The following ANXA11 variants were observed in gnomAD, a reference collection of about 807,000 sequenced individuals.
ANXA11 encodes the protein annexin A11, also known as 56 kDa autoantigen.
Under a neutral mutation model 64.7 loss-of-function variants are expected in ANXA11, and 57 were observed. The ratio of observed to expected loss-of-function variants is 0.88; its 90% CI spans 0.71 to 1.10. The LOEUF (loss-of-function observed/expected upper bound fraction) is 1.10, where lower values mean the gene tolerates loss of function less well. Among genes scored for constraint, ANXA11 ranks in the 50% least tolerant of loss-of-function variants. The pLI, the probability that ANXA11 is intolerant of heterozygous loss-of-function variation, is 0.00. For missense variants in ANXA11, 675 were observed against 670.7 expected, an observed-to-expected ratio of 1.01 and a Z score of -0.07; for synonymous variants, 260 against 265.2, an observed-to-expected ratio of 0.98 and a Z score of 0.19.
intron 1 of ANXA11, among the ~76,000 whole-genome samples, chr10:80,189,420 T>TA (rs1231035382): frequency 6.6e-6 from 1 of 152,042 alleles, no homozygotes; most frequent in Non-Finnish European, 1.5e-5. Flanking sequence ...ACTGTAAAGA[T>TA]AAAAAAACCA....
intron 1 of ANXA11, among the ~76,000 whole-genome samples, chr10:80,186,070 G>A (rs1014303244): frequency 1.3e-5 from 2 of 152,174 alleles, no homozygotes; most frequent in African/African-American, 2.4e-5. Context: ...TCACATCCTA[G>A]TCCTGCTCCC....
At chr10:80,184,024 T>C (rs1213548683) in intron 1 of ANXA11, among the ~76,000 whole-genome samples, 1 of 152,148 alleles carries the variant, frequency 6.6e-6, no homozygotes, top group Admixed American at 6.5e-5. Flanking sequence ...TGGTCGACTT[T>C]TTTCACAAAG....
intron 13 of ANXA11, among the ~76,000 whole-genome samples, chr10:80,158,498 TC>T (rs1845369661): frequency 1.3e-5 from 2 of 151,926 alleles, no homozygotes; most frequent in South Asian, 4.2e-4. Context: ...TTTCCATCTC[TC>T]CCATCCAGAA....
chr10:80,160,447 G>A (rs1399883173), intron 12 of ANXA11, among the ~76,000 whole-genome samples: 4 of 152,138 alleles, frequency 2.6e-5, no homozygotes, highest in Admixed American at 2.0e-4. Flanking sequence ...GAGCCACAGC[G>A]CCTGTCTCTG....
intron 1 of ANXA11, among the ~76,000 whole-genome samples, chr10:80,194,950 G>C (rs1001214089): frequency 1.3e-5 from 2 of 152,196 alleles, no homozygotes; most frequent in Admixed American, 1.3e-4. Context: ...CACAGGAGTA[G>C]AGGTTTACCA....
chr10:80,178,876 T>C (rs12256429), intron 1 of ANXA11, among the ~76,000 whole-genome samples: 19,602 of 152,122 alleles, frequency 0.13, 1,399 homozygotes, highest in South Asian at 0.24. Context: ...GAATCTGAAG[T>C]GTAAACAAGC....
chr10:80,195,480 AG>A (rs1210174685), intron 1 of ANXA11, among the ~76,000 whole-genome samples: 5 of 152,176 alleles, frequency 3.3e-5, no homozygotes, highest in African/African-American at 1.2e-4. Flanking sequence ...TGAAAACAGA[AG>A]GTACCTCAGG....
chr10:80,161,598 A>T (rs1845506814), intron 12 of ANXA11, among the ~76,000 whole-genome samples: 1 of 152,230 alleles, frequency 6.6e-6, no homozygotes, highest in Non-Finnish European at 1.5e-5. Context: ...GAGTAAATGA[A>T]TGGCACCCAG....
intron 5 of ANXA11, 83 bp from the exon 6 acceptor site, chr10:80,167,396 G>T: frequency 1.6e-6 from 2 of 1,244,450 alleles, no homozygotes; most frequent in Non-Finnish European, 1.2e-6. Flanking sequence ...TAGACTCTGG[G>T]AACAGCCCTT....
intron 1 of ANXA11, among the ~76,000 whole-genome samples, chr10:80,192,423 C>G (rs936074518): frequency 1.1e-4 from 17 of 151,214 alleles, no homozygotes; most frequent in Non-Finnish European, 4.4e-5. Flanking sequence ...AAACAGACAA[C>G]GATGAGAAGT....
intron 1 of ANXA11, among the ~76,000 whole-genome samples, chr10:80,194,776 G>A (rs1214572530): frequency 6.6e-6 from 1 of 152,200 alleles, no homozygotes; most frequent in Non-Finnish European, 1.5e-5. Context: ...GGCTGCAAAA[G>A]GGAGACTCTG....
In ANXA11 at chr10:80,186,877, C is replaced by T. The variant is rs566954080; in HGVS notation, c.-57-10722G>A. On this transcript the variant is annotated intron_variant, in intron 1 of 15. Transcript: ENST00000422982. The stretch of plus-strand genomic sequence containing the variant: ...AAGCCAGGCCACTCCTCTTTGTGGG[C>T]AGAGTCACCTCTGAGGCCTGCCCAC... Among the ~76,000 whole-genome samples, 4 of 152,350 alleles carry T rather than the reference C, an allele frequency of 2.6e-5. No individual in the cohort carries two copies. In the East Asian group the frequency reaches 5.8e-4, roughly 22 times the overall value.
In ANXA11 at chr10:80,161,933, A is replaced by G. The variant is rs547460380; in HGVS notation, c.1180+2T>C. ...CCTCTGAGGGACCCCAGCCTGCCTTACCTGCTACCAGGTGGGCCCGGCTCC... is the reference window on the plus strand; with the variant it reads ...CCTCTGAGGGACCCCAGCCTGCCTTGCCTGCTACCAGGTGGGCCCGGCTCC... On this transcript the variant is annotated splice_donor_variant, in intron 12 of 15. Transcript: ENST00000422982. LOFTEE classifies it high-confidence loss of function. The G allele has an allele frequency of 5.0e-6, 8 of 1,610,954 alleles. No homozygotes were observed. The African/African-American group carries it at 9.3e-5, about 19-fold the overall frequency.
At chr10:80,168,742 G>A (rs955772910) in intron 5 of ANXA11, among the ~76,000 whole-genome samples, 16 of 152,016 alleles carry the variant, frequency 1.1e-4, no homozygotes, top group East Asian at 5.8e-4. Flanking sequence ...TCACCATTTC[G>A]CCCAGGTTGG....
chr10:80,200,531 C>T (rs949743668), intron 1 of ANXA11, among the ~76,000 whole-genome samples: 1 of 152,054 alleles, frequency 6.6e-6, no homozygotes, highest in African/African-American at 2.4e-5. Flanking sequence ...GCTAGAACTC[C>T]CACAAATATA....
chr10:80,169,129 G>A lies in ANXA11; in HGVS notation c.401C>T (p.Pro134Leu), dbSNP rs1420900980. 6.5e-7 allele frequency: 1 copy of A among 1,546,298 alleles called. No individual in the cohort carries two copies. The highest frequency in any genetic ancestry group is 8.7e-7 in the Non-Finnish European group (1 of 1,151,854). The change falls in exon 5 of 16, where the codon CCA becomes CTA. Residue 134 changes from proline (P) to leucine (L), a missense_variant. Transcript: ENST00000422982. The part of the protein sequence containing the change: ...PGAPVPGQPM[P>L]PPGQQPPGAY... Reference sequence around the variant, plus strand: ...CCCTGGGGGCTGCTGTCCGGGGGGTGGCATGGGCTGGCCCGGCACAGGGGC... The same window carrying A: ...CCCTGGGGGCTGCTGTCCGGGGGGTAGCATGGGCTGGCCCGGCACAGGGGC...
At chr10:80,167,150 G>C (rs1845777745) in intron 6 of ANXA11, 76 bp downstream of exon 6, 2 of 1,480,786 alleles carry the variant, frequency 1.4e-6, no homozygotes, top group Admixed American at 1.7e-5. Flanking sequence ...AGCTACCCCA[G>C]CCCACAGAGC....
chr10:80,172,674 TGTC>T, intron 3 of ANXA11, 130 bp downstream of exon 3: 1 of 892,812 alleles, frequency 1.1e-6, no homozygotes, highest in Non-Finnish European at 1.8e-6. Flanking sequence ...CTACTCCTGT[TGTC>T]CTCTCCTCCC....
Position 80,171,071 on chromosome 10 carries a change from G to A in ANXA11, c.56-156C>T, listed in dbSNP as rs371645688. On this transcript the variant is annotated intron_variant, in intron 3 of 15. Transcript: ENST00000422982. ...ACAGACCACATGAAAACACCAGGAG[G>A]AAAGTCTCCCCCTATCCCACTGGCA... 4.8e-4 allele frequency: 728 copies of A among 1,521,516 alleles called. 7 individuals are homozygous for A. In the African/African-American group the frequency reaches 8.7e-3, roughly 18 times the overall value. 94.3% of individuals were successfully genotyped at this position (1,521,516 alleles called of 1,614,324 possible).
Sources: allele counts gnomAD v4.1 joint callset (sites outside exome capture counted in the v4.1 genomes callset), GRCh38; gene constraint gnomAD v4.1.1; transcripts MANE v1.5; gene names NCBI Gene and HGNC (gene_info 2026-07-23, HGNC 2026-07-21).